AHCYL2: variants seen among roughly 807,000 people sequenced by gnomAD.
AHCYL2 encodes the protein S-adenosylhomocysteine hydrolase-like protein 2.
AHCYL2 carries 28 observed loss-of-function variants against 81.4 expected under a neutral mutation model. The ratio of observed to expected loss-of-function variants is 0.34; its 90% CI spans 0.25 to 0.47. The LOEUF is 0.47. Ranked by LOEUF, AHCYL2 falls within the 20% of genes least tolerant of loss-of-function variation. The pLI is 1.00. For synonymous variants in AHCYL2, 272 were observed against 290.2 expected (o/e 0.94, Z 0.64); for missense variants, 551 against 785.1 (o/e 0.70, Z 3.56).
At chr7:129,380,894 CCAT>C (rs149412281) in intron 2 of AHCYL2, among the ~76,000 whole-genome samples, 447 of 152,268 alleles carry the variant, frequency 2.9e-3, no homozygotes, top group African/African-American at 0.011. Flanking sequence ...GCACCCACCA[CCAT>C]GCCTGCCTAA....
At chr7:129,311,638 A>G (rs533531268) in intron 1 of AHCYL2, among the ~76,000 whole-genome samples, 2 of 150,864 alleles carry the variant, frequency 1.3e-5, no homozygotes, top group Admixed American at 1.3e-4. Flanking sequence ...CCTCTCTAAT[A>G]CTAATCTGTC....
chr7:129,344,195 A>G (rs1793283498), intron 1 of AHCYL2, among the ~76,000 whole-genome samples: 1 of 152,202 alleles, frequency 6.6e-6, no homozygotes, highest in Non-Finnish European at 1.5e-5. Context: ...TTTATTATAA[A>G]TTTAATATAT....
chr7:129,368,216 A>G lies in AHCYL2; in HGVS notation c.364-11422A>G. On this transcript the variant is annotated intron_variant, in intron 1 of 16. Transcript: ENST00000325006. This position sits in a 1 kb window ranked among gnomAD's most constrained non-coding sequence, Gnocchi z 4.4. ...GCATTAAAACAGTGAGTGCCCTGTG[A>G]GAAGCACAGTGCCTGGGTGCAGCAC... is the stretch of plus-strand genomic sequence containing the variant. The G allele has an allele frequency of 1.5e-6, 2 of 1,292,384 alleles. No individual in the cohort carries two copies. The highest frequency in any genetic ancestry group is 2.0e-6 in the Non-Finnish European group (2 of 1,016,804). 80.1% of individuals were successfully genotyped at this position (1,292,384 alleles called of 1,614,324 possible).
At chr7:129,301,536 G>A (rs1797255913) in intron 1 of AHCYL2, among the ~76,000 whole-genome samples, 1 of 152,090 alleles carries the variant, frequency 6.6e-6, no homozygotes, top group Non-Finnish European at 1.5e-5. Flanking sequence ...TTTGATTTTT[G>A]TATATGTGAG....
At chr7:129,369,684 C>T (rs1431493411) in intron 1 of AHCYL2, among the ~76,000 whole-genome samples, 2 of 151,598 alleles carry the variant, frequency 1.3e-5, no homozygotes, top group East Asian at 3.9e-4. Flanking sequence ...TCCCAAGTAG[C>T]TGGGATTACA....
At chr7:129,348,831 G>A (rs1165826048) in intron 1 of AHCYL2, among the ~76,000 whole-genome samples, 2 of 152,220 alleles carry the variant, frequency 1.3e-5, no homozygotes, top group East Asian at 1.9e-4. Context: ...TGCAAATTTT[G>A]TATAAGCATA....
intron 1 of AHCYL2, among the ~76,000 whole-genome samples, chr7:129,299,424 C>T (rs1475012632): frequency 1.0e-4 from 10 of 99,704 alleles, no homozygotes; most frequent in Admixed American, 4.8e-4. Flanking sequence ...GATGGAGTCT[C>T]GCTCTGTCCC....
At chr7:129,369,351 A>T (rs968186033) in intron 1 of AHCYL2, among the ~76,000 whole-genome samples, 1 of 152,222 alleles carries the variant, frequency 6.6e-6, no homozygotes, top group African/African-American at 2.4e-5. Flanking sequence ...TCTCTAAAAC[A>T]TATTTCAAGT....
In AHCYL2 at chr7:129,409,726, C is replaced by T. The variant is rs118184137; in HGVS notation, c.1366+180C>T. ...CTTTAGAGCTCCGACCAAAGGTATA[C>T]GATTAGGTTATTCCTATGTAAAAAT... is the stretch of plus-strand genomic sequence containing the variant. On this transcript the variant is annotated intron_variant, in intron 11 of 16. Transcript: ENST00000325006. Among the ~76,000 whole-genome samples the T allele has an allele frequency of 3.5e-3, 538 of 152,262 alleles. 2 individuals are homozygous for T. The highest frequency in any genetic ancestry group is 0.01 in the Middle Eastern group (3 of 294).
chr7:129,280,323 C>A (rs1796388448), intron 1 of AHCYL2, among the ~76,000 whole-genome samples: 1 of 151,960 alleles, frequency 6.6e-6, no homozygotes, highest in Admixed American at 6.6e-5. Context: ...GCGCCCACCA[C>A]CATGTCCAGC....
intron 1 of AHCYL2, among the ~76,000 whole-genome samples, chr7:129,345,751 A>G (rs1793340176): frequency 6.6e-6 from 1 of 152,192 alleles, no homozygotes; most frequent in South Asian, 2.1e-4. Context: ...AGAACACAGA[A>G]TTATATACTG....
chr7:129,249,247 C>T (rs565948242), intron 1 of AHCYL2, among the ~76,000 whole-genome samples: 1 of 152,246 alleles, frequency 6.6e-6, no homozygotes, highest in African/African-American at 2.4e-5. Flanking sequence ...ACCCTCCTGT[C>T]CTGGCCTCCC....
At chr7:129,233,875 C>A (rs1794539084) in intron 1 of AHCYL2, among the ~76,000 whole-genome samples, 1 of 152,080 alleles carries the variant, frequency 6.6e-6, no homozygotes, top group South Asian at 2.1e-4. Context: ...AATGGGAATT[C>A]CTTCATTCTT....
At chr7:129,371,927 T>G (rs1056511250) in intron 1 of AHCYL2, among the ~76,000 whole-genome samples, 1 of 152,188 alleles carries the variant, frequency 6.6e-6, no homozygotes, top group Non-Finnish European at 1.5e-5. Flanking sequence ...CCATATCTAC[T>G]TGGAAGTAGA....
At chr7:129,248,142 CAG>C (rs1795124668) in intron 1 of AHCYL2, among the ~76,000 whole-genome samples, 1 of 152,166 alleles carries the variant, frequency 6.6e-6, no homozygotes, top group African/African-American at 2.4e-5. Flanking sequence ...TGTTGCAAAT[CAG>C]CTGTCTGCAG....
At chr7:129,297,241 C>A (rs1420842487) in intron 1 of AHCYL2, among the ~76,000 whole-genome samples, 1 of 152,150 alleles carries the variant, frequency 6.6e-6, no homozygotes, top group African/African-American at 2.4e-5. Flanking sequence ...AGTGCTATGT[C>A]CCCTGGTTAA....
intron 1 of AHCYL2, among the ~76,000 whole-genome samples, chr7:129,335,604 G>C (rs1487274794): frequency 6.6e-6 from 1 of 152,074 alleles, no homozygotes; most frequent in African/African-American, 2.4e-5. Flanking sequence ...TGTCAGATGG[G>C]GCTACAGTCA....
intron 1 of AHCYL2, among the ~76,000 whole-genome samples, chr7:129,265,850 G>A (rs1795794840): frequency 6.6e-6 from 1 of 152,210 alleles, no homozygotes; most frequent in South Asian, 2.1e-4. Context: ...AACTAGAGAA[G>A]AGACGATAGT....
intron 1 of AHCYL2, among the ~76,000 whole-genome samples, chr7:129,240,362 A>G (rs1038836141): frequency 2.0e-5 from 3 of 152,100 alleles, no homozygotes; most frequent in African/African-American, 7.2e-5. Context: ...ATACACAGAC[A>G]CACACACTGA....
Sources: gnomAD v4.1 joint callset for allele counts (sites outside exome capture counted in the v4.1 genomes callset) on GRCh38, gnomAD v4.1.1 for gene constraint, Gnocchi (gnomAD v3.1) non-coding constraint, MANE v1.5 for transcripts, NCBI Gene and HGNC (gene_info 2026-07-23, HGNC 2026-07-21) for gene names.